The following PTN variants were observed in gnomAD, a reference collection of about 807,000 sequenced individuals.
The protein encoded by PTN is pleiotrophin.
PTN carries 18 observed loss-of-function variants against 24.1 expected under a neutral mutation model. The ratio of observed to expected loss-of-function variants is 0.75; its 90% confidence interval spans 0.52 to 1.11. The LOEUF (loss-of-function observed/expected upper bound fraction) is 1.11, where lower values mean the gene tolerates loss of function less well. Ranked by LOEUF, PTN falls within the 50% of genes least tolerant of loss-of-function variation. The pLI, the probability that PTN is intolerant of heterozygous loss-of-function variation, is 0.00. For missense variants in PTN, 163 were observed against 198.8 expected (o/e 0.82, Z 1.08); for synonymous variants, 78 against 68.6 (o/e 1.14, Z -0.67).
intron 1 of PTN, among the ~76,000 whole-genome samples, chr7:137,304,490 T>C (rs1809855991): frequency 6.6e-6 from 1 of 151,822 alleles, no homozygotes; most frequent in African/African-American, 2.4e-5. Flanking sequence ...TGAAACTCAT[T>C]CATCAATAAG....
chr7:137,252,632 C>T (rs896270815), intron 3 of PTN, among the ~76,000 whole-genome samples: 30 of 151,812 alleles, frequency 2.0e-4, no homozygotes, highest in African/African-American at 7.3e-4. Flanking sequence ...AAAAGACATA[C>T]ATGTATACAT....
intron 1 of PTN, among the ~76,000 whole-genome samples, chr7:137,256,152 T>C (rs1808919586): frequency 6.6e-6 from 1 of 152,230 alleles, no homozygotes; most frequent in East Asian, 1.9e-4. Context: ...TTCTGTGGCA[T>C]TGTATATGCT....
At chr7:137,326,944 T>C (rs1020093065) in intron 1 of PTN, 4 of 145,778 alleles carry the variant, frequency 2.7e-5, no homozygotes, top group African/African-American at 1.1e-4. Context: ...AATGAACACA[T>C]GAATGAATGA....
chr7:137,315,995 A>C (rs1229902976), intron 1 of PTN, among the ~76,000 whole-genome samples: 4 of 152,144 alleles, frequency 2.6e-5, no homozygotes, highest in African/African-American at 9.7e-5. Context: ...AAACTCCAAA[A>C]TACACAACTG....
At chr7:137,284,749 C>T (rs7782295) in intron 1 of PTN, among the ~76,000 whole-genome samples, 99,311 of 151,972 alleles carry the variant, frequency 0.65, 32,800 homozygotes, top group South Asian at 0.7. Flanking sequence ...AAGAAGTTGA[C>T]AGAAGATTCC....
chr7:137,324,802 T>C (rs551622969), intron 1 of PTN: 1 of 152,200 alleles, frequency 6.6e-6, no homozygotes, highest in East Asian at 1.9e-4. Context: ...GAAAGGGTAA[T>C]AATACTAAAA....
At chr7:137,342,851 T>C (rs956337080) in intron 1 of PTN, among the ~76,000 whole-genome samples, 18 of 152,192 alleles carry the variant, frequency 1.2e-4, no homozygotes, top group Admixed American at 1.2e-3. Flanking sequence ...TAACCATTTC[T>C]GGAACCATTC....
chr7:137,231,999 T>C (rs756867042), intron 4 of PTN, among the ~76,000 whole-genome samples: 1 of 151,954 alleles, frequency 6.6e-6, no homozygotes, highest in Non-Finnish European at 1.5e-5. Context: ...TGCTTTTTTA[T>C]TGAAGTCATA....
chr7:137,282,655 A>C (rs1042528969), intron 1 of PTN, among the ~76,000 whole-genome samples: 3 of 152,242 alleles, frequency 2.0e-5, no homozygotes, highest in African/African-American at 7.2e-5. Flanking sequence ...GTGATTAAAA[A>C]TGGGTACACA....
intron 4 of PTN, among the ~76,000 whole-genome samples, chr7:137,246,300 T>C (rs544633733): frequency 1.3e-5 from 2 of 152,314 alleles, no homozygotes; most frequent in African/African-American, 4.8e-5. Context: ...ACATGCTGTA[T>C]AGATTTGCAG....
chr7:137,267,414 A>G (rs1809174662), intron 1 of PTN, among the ~76,000 whole-genome samples: 1 of 152,076 alleles, frequency 6.6e-6, no homozygotes, highest in African/African-American at 2.4e-5. Flanking sequence ...AAGGGGGTCT[A>G]AAACCAGCTG....
chr7:137,324,433 A>AAAAATATAT, intron 1 of PTN, among the ~76,000 whole-genome samples: 1,220 of 88,716 alleles, frequency 0.014, 12 homozygotes, highest in East Asian at 0.019. Flanking sequence ...AAAAAAAAAA[A>AAAAATATAT]ATATATATAT....
chr7:137,278,092 G>T (rs1422500651), intron 1 of PTN, among the ~76,000 whole-genome samples: 1 of 151,510 alleles, frequency 6.6e-6, no homozygotes. Context: ...TGGATCACGA[G>T]GTCAGGAGAT....
At chr7:137,325,656 T>A (rs755899675) in intron 1 of PTN, 1 of 152,216 alleles carries the variant, frequency 6.6e-6, no homozygotes, top group South Asian at 2.1e-4. Flanking sequence ...GCTTTCACTG[T>A]CACCCTAGGG....
At chr7:137,245,091 C>G (rs1260849521) in intron 4 of PTN, among the ~76,000 whole-genome samples, 1 of 152,172 alleles carries the variant, frequency 6.6e-6, no homozygotes, top group Non-Finnish European at 1.5e-5. Context: ...GATTTTCACA[C>G]TGAAACCAAG....
At chr7:137,262,911 C>T (rs1809068096) in intron 1 of PTN, among the ~76,000 whole-genome samples, 1 of 152,168 alleles carries the variant, frequency 6.6e-6, no homozygotes, top group South Asian at 2.1e-4. Flanking sequence ...GGTCTGGTTC[C>T]TAGGTGCTGG....
chr7:137,268,543 G>A (rs1200081268), intron 1 of PTN, among the ~76,000 whole-genome samples: 4 of 152,192 alleles, frequency 2.6e-5, no homozygotes, highest in Non-Finnish European at 2.9e-5. Context: ...AAGCCAGGGG[G>A]TACGTGATAG....
At chr7:137,340,322 T>A (rs921641671) in intron 1 of PTN, among the ~76,000 whole-genome samples, 1 of 152,202 alleles carries the variant, frequency 6.6e-6, no homozygotes, top group African/African-American at 2.4e-5. Flanking sequence ...TAATTTCTTA[T>A]TTACTAAATG....
chr7:137,311,716 T>A (rs1257286366), intron 1 of PTN, among the ~76,000 whole-genome samples: 4 of 152,226 alleles, frequency 2.6e-5, no homozygotes, highest in African/African-American at 9.6e-5. Context: ...CACACAACAT[T>A]TATCTATTTT....
Sources: gnomAD v4.1 joint callset for allele counts (sites outside exome capture counted in the v4.1 genomes callset) on GRCh38, gnomAD v4.1.1 for gene constraint, MANE v1.5 for transcripts, NCBI Gene and HGNC (gene_info 2026-07-23, HGNC 2026-07-21) for gene names.